Variants in AP1G1 observed in about 807,000 individuals in gnomAD.
The protein encoded by AP1G1 is AP-1 complex subunit gamma-1.
In AP1G1, 7 loss-of-function variants were observed where a neutral mutation model predicts 108.3. The ratio of observed to expected loss-of-function variants is 0.06; its 90% CI spans 0.04 to 0.12. The LOEUF (loss-of-function observed/expected upper bound fraction) is 0.12, where lower values mean the gene tolerates loss of function less well. Among genes scored for constraint, AP1G1 ranks in the 10% least tolerant of loss-of-function variants. The pLI is 1.00. For synonymous variants in AP1G1, 379 were observed against 353.5 expected, an observed-to-expected ratio of 1.07 and a Z score of -0.81; for missense variants, 756 against 1,010.7, an observed-to-expected ratio of 0.75 and a Z score of 3.42.
intron 1 of AP1G1, 78 bp downstream of exon 1, chr16:71,808,685 G>A (rs1420661929): frequency 3.1e-6 from 4 of 1,286,690 alleles, no homozygotes; most frequent in Non-Finnish European, 4.1e-6. Context: ...AAACTGAAAG[G>A]AAGCTTCCGG....
intron 22 of AP1G1, among the ~76,000 whole-genome samples, chr16:71,733,883 T>C (rs2145405912): frequency 6.6e-6 from 1 of 152,374 alleles, no homozygotes. Context: ...GCAGTAGTTT[T>C]AAGAGAACTC....
rs751036457 is a variant in AP1G1 at position 71,773,227 on chromosome 16, T to C, written c.462A>G (p.Arg154=). 6 of 1,613,374 alleles carry C rather than the reference T, an allele frequency of 3.7e-6. No individual in the cohort carries two copies. Among genetic ancestry groups the C allele is most frequent in the Admixed American group, 3.3e-5 (2 of 59,986 alleles). The stretch of plus-strand genomic sequence containing the variant: ...TTGGTTCATTAAAAGTTACCTTTTT[T>C]CTTAAGTAAGAGTTGGAGGTTTTCA... The part of the protein sequence containing the change: ...KLLKTSNSYL[R]KKAALCAVHV... The change falls in exon 4 of 23, where the codon AGA becomes AGG. Residue 154 remains arginine (R), a synonymous_variant. Transcript: ENST00000299980.
chr16:71,762,309 T>C (rs1220408657), intron 9 of AP1G1, among the ~76,000 whole-genome samples: 1 of 152,152 alleles, frequency 6.6e-6, no homozygotes, highest in African/African-American at 2.4e-5. Context: ...TGTGATATGG[T>C]GAAATACATA....
At chr16:71,798,163 A>T (rs1268897352) in intron 1 of AP1G1, among the ~76,000 whole-genome samples, 1 of 152,208 alleles carries the variant, frequency 6.6e-6, no homozygotes, top group East Asian at 1.9e-4. Flanking sequence ...AAAACTGTTA[A>T]GGCTGGGTGC....
intron 1 of AP1G1, among the ~76,000 whole-genome samples, chr16:71,789,771 A>G (rs2032330262): frequency 6.6e-6 from 1 of 152,248 alleles, no homozygotes; most frequent in Non-Finnish European, 1.5e-5. Flanking sequence ...TAATATCAAA[A>G]TATCTCAGAA....
chr16:71,746,718 A>G, intron 16 of AP1G1, 26 bp from the exon 17 acceptor site: 1 of 1,534,808 alleles, frequency 6.5e-7, no homozygotes. Flanking sequence ...CAAACGAAAT[A>G]AAATACCCAA....
chr16:71,800,056 T>TA (rs2032731274), intron 1 of AP1G1, among the ~76,000 whole-genome samples: 1 of 149,372 alleles, frequency 6.7e-6, no homozygotes, highest in Non-Finnish European at 1.5e-5. Context: ...TGTCATCTTT[T>TA]AAAAAAATAA....
chr16:71,761,387 CAT>C, intron 10 of AP1G1, 123 bp downstream of exon 10: 2 of 739,680 alleles, frequency 2.7e-6, no homozygotes, highest in Non-Finnish European at 2.3e-6. Context: ...ACCAGAAAAA[CAT>C]AAAAATTCTG....
chr16:71,808,662 G>A (rs1273763461), intron 1 of AP1G1, 101 bp downstream of exon 1: 13 of 1,288,978 alleles, frequency 1.0e-5, no homozygotes, highest in Non-Finnish European at 1.0e-5. Context: ...CACAGCCTGG[G>A]ACTGGACCCC....
In AP1G1 at chr16:71,750,244, C is replaced by T. The variant is rs199593090; in HGVS notation, c.1373G>A (p.Arg458His). 37 of 1,613,902 alleles carry T rather than the reference C, an allele frequency of 2.3e-5. No homozygotes were observed. The Admixed American group carries it at 3.8e-4, about 17-fold the overall frequency. Residue 458 changes from arginine to histidine, a missense_variant, in exon 14 of 23, where the codon CGC becomes CAC. Physicochemically the swap from Arg to His is conservative, Grantham distance 29 (BLOSUM62 0). This residue lies in a region of AP1G1 where 357 missense variants were observed against 366.5 expected (regional missense o/e 0.97). Coordinates refer to ENST00000299980, the MANE Select transcript of AP1G1 (RefSeq NM_001128.6). ...ATCACCAAGAATTGCTTTGTACAGG[C>T]GCTGGACAGTATAGGCATGCATCTC... ...SVEMHAYTVQRLYKAILGDYS... is the reference protein window; with the variant it reads ...SVEMHAYTVQHLYKAILGDYS...
chr16:71,765,208 C>T (rs1180466491), intron 7 of AP1G1, among the ~76,000 whole-genome samples: 6 of 152,128 alleles, frequency 3.9e-5, no homozygotes, highest in Admixed American at 3.9e-4. Flanking sequence ...GGCATGGTGG[C>T]ATGCACCTGA....
rs113141636 is a variant in AP1G1 at position 71,764,379 on chromosome 16, T to C, written c.889A>G (p.Met297Val). 6.2e-7 allele frequency: 1 copy of C among 1,607,906 alleles called. No individual in the cohort carries two copies. Among genetic ancestry groups the C allele is most frequent in the Non-Finnish European group, 8.5e-7 (1 of 1,176,576 alleles). ...AILYETVLTI[M>V]DIKSESGLRV... ...AATCCACTCTCTGACTTAATATCCATGATAGTCAAAACCGTTTCATAAAGA... is the reference window on the plus strand; with the variant it reads ...AATCCACTCTCTGACTTAATATCCACGATAGTCAAAACCGTTTCATAAAGA... The change falls in exon 9 of 23, where the codon ATG (methionine) becomes GTG (valine). Residue 297 changes from methionine to valine, a missense_variant. Physicochemically the swap from Met to Val is conservative, Grantham distance 21 (BLOSUM62 1). Around this residue, in one of 3 missense-constraint regions of AP1G1, gnomAD observed 304 missense variants for 483.6 expected, o/e 0.63. Coordinates refer to ENST00000299980, the MANE Select transcript of AP1G1 (RefSeq NM_001128.6).
chr16:71,752,139 G>C (rs1260000876), intron 13 of AP1G1, among the ~76,000 whole-genome samples: 1 of 151,974 alleles, frequency 6.6e-6, no homozygotes, highest in Non-Finnish European at 1.5e-5. Flanking sequence ...CAAATCACAT[G>C]ATCATAAGAG....
At chr16:71,777,661 G>T (rs144874877) in intron 2 of AP1G1, 1 of 457,560 alleles carries the variant, frequency 2.2e-6, no homozygotes, top group South Asian at 1.6e-5. Context: ...CCTCCTCTTC[G>T]GCAGCTCTCT....
chr16:71,774,273 G>A (rs904408293), intron 3 of AP1G1, 195 bp downstream of exon 3: 11 of 549,602 alleles, frequency 2.0e-5, no homozygotes, highest in Non-Finnish European at 3.1e-5. Context: ...AGCTACGCAG[G>A]AGGCTGAGGC....
Position 71,764,338 on chromosome 16 carries a change from A to G in AP1G1, c.918+12T>C, listed in dbSNP as rs777461404. The G allele has an allele frequency of 1.3e-6, 2 of 1,541,548 alleles. No individual in the cohort carries two copies. Among genetic ancestry groups the G allele is most frequent in the Admixed American group, 3.6e-5 (2 of 54,920 alleles). ...CATTTAGGGGGGGAAGAAAAGATTC[A>G]AAAAGACTTACTCGCAATCCACTCT... is the stretch of plus-strand genomic sequence containing the variant. On this transcript the variant is annotated intron_variant, in intron 9 of 22. Transcript: ENST00000299980.
At chr16:71,736,831 G>A (rs569129400) in intron 21 of AP1G1, among the ~76,000 whole-genome samples, 61 of 151,020 alleles carry the variant, frequency 4.0e-4, no homozygotes, top group Non-Finnish European at 6.6e-4. Context: ...CTGACCTCGT[G>A]GGATCCGCCT....
At chr16:71,772,076 T>A (rs1176573937) in intron 4 of AP1G1, among the ~76,000 whole-genome samples, 2 of 152,142 alleles carry the variant, frequency 1.3e-5, no homozygotes, top group Non-Finnish European at 2.9e-5. Flanking sequence ...ACAAAAAAAA[T>A]TTCTGCTAAT....
intron 16 of AP1G1, 32 bp downstream of exon 16, chr16:71,748,219 A>C: frequency 1.3e-6 from 2 of 1,584,002 alleles, no homozygotes; most frequent in South Asian, 1.2e-5. Context: ...TTACAAAACA[A>C]CCTGTTCACC....
Sources: gnomAD v4.1 joint callset for allele counts (sites outside exome capture counted in the v4.1 genomes callset) on GRCh38, gnomAD v4.1.1 for gene constraint, gnomAD v4.1.1 regional missense constraint, MANE v1.5 for transcripts, NCBI Gene and HGNC (gene_info 2026-07-23, HGNC 2026-07-21) for gene names.